EXOC6: variants seen among roughly 807,000 people sequenced by gnomAD.
The protein encoded by EXOC6 is SEC15-like 1.
In EXOC6, 60 loss-of-function variants were observed where a neutral mutation model predicts 112.5. That is an observed-to-expected ratio of 0.53 (90% confidence interval 0.43 to 0.66). EXOC6 has a LOEUF of 0.66. EXOC6 is among the 30% of genes least tolerant of loss of function. The pLI, the probability that EXOC6 is intolerant of heterozygous loss-of-function variation, is 0.00. For missense variants in EXOC6, 855 were observed against 957.1 expected, an observed-to-expected ratio of 0.89 and a Z score of 1.41; for synonymous variants, 295 against 308.0, an observed-to-expected ratio of 0.96 and a Z score of 0.44.
intron 13 of EXOC6, among the ~76,000 whole-genome samples, chr10:92,945,362 C>G (rs1852932968): frequency 1.3e-5 from 2 of 152,124 alleles, no homozygotes. Context: ...TGTGCAGAAG[C>G]TTTTTAGTTT....
chr10:92,925,205 G>A (rs1466183043), intron 8 of EXOC6, among the ~76,000 whole-genome samples: 1 of 152,152 alleles, frequency 6.6e-6, no homozygotes. Context: ...TAAGTAATGA[G>A]AAACTGATTT....
Position 92,848,563 on chromosome 10 carries a change from C to A in EXOC6, c.30C>A (p.Thr10=). 1 of 1,447,582 alleles carries A rather than the reference C, an allele frequency of 6.9e-7. No homozygotes were observed. The allele number at this position is 1,447,582 out of a possible 1,614,324, so 89.7% of individuals were successfully genotyped here. Residue 10 remains threonine, a synonymous_variant, in exon 1 of 22, where the codon ACC becomes ACA. Transcript: ENST00000260762. MAENSESLG[T]VPEHERILQE... The stretch of plus-strand genomic sequence containing the variant: ...CGGAGAACAGCGAGAGTCTGGGCAC[C>A]GTCCCCGAGCACGAGCGGATCTTGC...
intron 8 of EXOC6, among the ~76,000 whole-genome samples, chr10:92,924,644 T>G (rs568651123): frequency 6.6e-5 from 10 of 152,332 alleles, no homozygotes; most frequent in Non-Finnish European, 1.3e-4. Flanking sequence ...ATTTTATTGT[T>G]TGATTTATTG....
intron 1 of EXOC6, among the ~76,000 whole-genome samples, chr10:92,885,440 C>T (rs569483026): frequency 6.0e-5 from 9 of 150,362 alleles, no homozygotes; most frequent in East Asian, 3.9e-4. Context: ...AGTGCAGTGG[C>T]GCAATCTTGG....
chr10:92,982,143 A>G (rs1464123451), intron 18 of EXOC6, among the ~76,000 whole-genome samples: 2 of 152,120 alleles, frequency 1.3e-5, no homozygotes, highest in South Asian at 2.1e-4. Context: ...AAAACCAGAC[A>G]TGATCTTTAG....
chr10:93,020,058 T>C (rs1844711286), intron 20 of EXOC6, among the ~76,000 whole-genome samples: 1 of 152,162 alleles, frequency 6.6e-6, no homozygotes, highest in Admixed American at 6.5e-5. Flanking sequence ...TTTGATTTTT[T>C]TAAAAGGGGG....
intron 1 of EXOC6, among the ~76,000 whole-genome samples, chr10:92,835,100 T>G (rs1487987843): frequency 6.6e-6 from 1 of 152,324 alleles, no homozygotes; most frequent in East Asian, 1.9e-4. Flanking sequence ...AATAAATTTA[T>G]ATGAGGTTTC....
At position 93,028,601 on chromosome 10, in the gene EXOC6, G is replaced by A. The variant is rs754952638; in HGVS notation, c.2169+14334G>A. ...TGTAATCCCAGCACTTTGGGAGGCC[G>A]AGGCAGGTGGATCACCTGAGGTCGG... On this transcript the variant is annotated intron_variant, in intron 20 of 21. Coordinates refer to ENST00000260762, the MANE Select transcript of EXOC6 (RefSeq NM_019053.6). 1.1e-3 allele frequency among the ~76,000 whole-genome samples: 160 copies of A among 152,266 alleles called. 1 individual carries two copies. Among genetic ancestry groups the A allele is most frequent in the Admixed American group, 1.9e-3 (29 of 15,290 alleles).
In EXOC6 at chr10:92,893,531, T is replaced by G; in HGVS notation, c.273+11T>G. 6.3e-7 allele frequency: 1 copy of G among 1,591,958 alleles called. No homozygotes were observed. The highest frequency in any genetic ancestry group is 2.2e-5 in the East Asian group (1 of 44,566). On this transcript the variant is annotated intron_variant, in intron 2 of 21. Transcript: ENST00000260762. ...GCAGAAAAACTGAAGGTAAGAAATA[T>G]GTTAAAATTATTTGCCTTTGTTCTC...
intron 1 of EXOC6, among the ~76,000 whole-genome samples, chr10:92,843,086 A>T (rs1342887299): frequency 6.6e-6 from 1 of 152,206 alleles, no homozygotes; most frequent in East Asian, 1.9e-4. Flanking sequence ...AACTCCTCTG[A>T]GGACTGGCCC....
chr10:93,058,217 T>C lies in EXOC6; in HGVS notation c.2283-6T>C. ...ACCAAGCTTCTTCATTCACATATGT[T>C]TCTAGGATGAAGGATACTAGCAAAA... On this transcript the variant is annotated splice_region_variant and splice_polypyrimidine_tract_variant and intron_variant, in intron 21 of 21. Transcript: ENST00000260762. 6.3e-7 allele frequency: 1 copy of C among 1,599,994 alleles called. No homozygotes were observed. Among genetic ancestry groups the C allele is most frequent in the Non-Finnish European group, 8.5e-7 (1 of 1,176,766 alleles).
At chr10:92,959,195 C>A (rs1589915555) in intron 17 of EXOC6, among the ~76,000 whole-genome samples, 1 of 152,064 alleles carries the variant, frequency 6.6e-6, no homozygotes, top group African/African-American at 2.4e-5. Context: ...CAGAAATAGA[C>A]CCACATAAAT....
chr10:92,886,396 C>A (rs1021254162), intron 1 of EXOC6, among the ~76,000 whole-genome samples: 1 of 152,192 alleles, frequency 6.6e-6, no homozygotes, highest in Non-Finnish European at 1.5e-5. Context: ...CAGTTATCAT[C>A]CCCCTTTTCT....
chr10:92,860,461 A>G (rs929963181), intron 1 of EXOC6, among the ~76,000 whole-genome samples: 4 of 151,936 alleles, frequency 2.6e-5, no homozygotes, highest in Non-Finnish European at 2.9e-5. Flanking sequence ...ACGGGGTTTC[A>G]CCATGTTGCC....
intron 1 of EXOC6, among the ~76,000 whole-genome samples, chr10:92,837,532 T>G (rs1846700813): frequency 6.6e-6 from 1 of 152,130 alleles, no homozygotes; most frequent in Admixed American, 6.5e-5. Context: ...AGTTGGTGGC[T>G]TGTGCCTGTA....
At chr10:92,891,967 A>T (rs1489762577) in intron 1 of EXOC6, among the ~76,000 whole-genome samples, 2 of 152,228 alleles carry the variant, frequency 1.3e-5, no homozygotes, top group Non-Finnish European at 2.9e-5. Context: ...ATTACGTGTC[A>T]GAATAACTGT....
chr10:93,055,490 A>T (rs1054285278), intron 20 of EXOC6, among the ~76,000 whole-genome samples: 2 of 152,204 alleles, frequency 1.3e-5, no homozygotes, highest in African/African-American at 4.8e-5. Flanking sequence ...AGGTTCTTAA[A>T]CACATTGCAG....
chr10:92,937,312 T>G (rs750855729), intron 12 of EXOC6, among the ~76,000 whole-genome samples: 48 of 152,122 alleles, frequency 3.2e-4, no homozygotes, highest in Non-Finnish European at 6.0e-4. Flanking sequence ...TGAGAGCAAA[T>G]TTATACCCAT....
At chr10:92,968,048 G>A (rs1842137876) in intron 17 of EXOC6, among the ~76,000 whole-genome samples, 1 of 152,110 alleles carries the variant, frequency 6.6e-6, no homozygotes, top group Admixed American at 6.6e-5. Flanking sequence ...GTTATCTTTA[G>A]TTCTGTAGGT....
Sources: gnomAD v4.1 joint callset for allele counts (sites outside exome capture counted in the v4.1 genomes callset) on GRCh38, gnomAD v4.1.1 for gene constraint, MANE v1.5 for transcripts, NCBI Gene and HGNC (gene_info 2026-07-23, HGNC 2026-07-21) for gene names.